MEGF10: variants seen among roughly 807,000 people sequenced by gnomAD.
The protein encoded by MEGF10 is multiple epidermal growth factor-like domains protein 10.
MEGF10 carries 86 observed loss-of-function variants against 147.5 expected under a neutral mutation model. The observed-to-expected ratio is 0.58, with a 90% confidence interval of 0.49 to 0.70. The LOEUF (loss-of-function observed/expected upper bound fraction) is 0.70. Among genes scored for constraint, MEGF10 ranks in the 30% least tolerant of loss-of-function variants. The probability of loss-of-function intolerance (pLI) is 0.00; values close to 1 mark genes in which losing one functional copy is unlikely to be tolerated. For synonymous variants in MEGF10, 478 were observed against 525.5 expected, an observed-to-expected ratio of 0.91 and a Z score of 1.24; for missense variants, 1,329 against 1,487.3, an observed-to-expected ratio of 0.89 and a Z score of 1.75.
At chr5:127,413,689 G>C (rs1580838171) in intron 9 of MEGF10, among the ~76,000 whole-genome samples, 2 of 152,328 alleles carry the variant, frequency 1.3e-5, no homozygotes, top group South Asian at 2.1e-4. Flanking sequence ...CCAAACTGCT[G>C]CTTCTACAAC....
chr5:127,333,878 G>C (rs1355698265), intron 2 of MEGF10, among the ~76,000 whole-genome samples: 1 of 152,140 alleles, frequency 6.6e-6, no homozygotes, highest in Non-Finnish European at 1.5e-5. Context: ...CAAGTGATTA[G>C]TGCAAACTCT....
intron 5 of MEGF10, among the ~76,000 whole-genome samples, chr5:127,389,935 G>A (rs1763581497): frequency 6.6e-6 from 1 of 152,178 alleles, no homozygotes; most frequent in Non-Finnish European, 1.5e-5. Context: ...GAAGAGATAT[G>A]TAAAGCATAA....
intron 23 of MEGF10, among the ~76,000 whole-genome samples, chr5:127,454,812 C>T (rs1199894275): frequency 1.3e-5 from 2 of 152,128 alleles, no homozygotes; most frequent in Non-Finnish European, 2.9e-5. Context: ...GAGCTTAAGT[C>T]TTTGGGGAAC....
intron 13 of MEGF10, among the ~76,000 whole-genome samples, chr5:127,428,855 C>T (rs1215818542): frequency 6.6e-6 from 1 of 152,178 alleles, no homozygotes; most frequent in Non-Finnish European, 1.5e-5. Flanking sequence ...TCACAAATGC[C>T]CAGTGAATGC....
intron 4 of MEGF10, among the ~76,000 whole-genome samples, chr5:127,355,419 C>T (rs944951934): frequency 6.6e-6 from 1 of 152,120 alleles, no homozygotes; most frequent in African/African-American, 2.4e-5. Flanking sequence ...TGACTGACAA[C>T]AATCAGATGG....
At chr5:127,428,349 C>T (rs1410519854) in intron 13 of MEGF10, among the ~76,000 whole-genome samples, 1 of 152,002 alleles carries the variant, frequency 6.6e-6, no homozygotes, top group Non-Finnish European at 1.5e-5. Flanking sequence ...AACCATAATG[C>T]TTGGGTGCTG....
At chr5:127,260,113 C>T in the MEGF10 span, among the ~76,000 whole-genome samples, 3 of 151,912 alleles carry the variant, frequency 2.0e-5, no homozygotes, top group African/African-American at 7.2e-5. Context: ...GCTGAGATCA[C>T]GCCACTGCAC....
intron 4 of MEGF10, among the ~76,000 whole-genome samples, chr5:127,354,659 A>T (rs115160054): frequency 6.6e-6 from 1 of 152,206 alleles, no homozygotes; most frequent in Admixed American, 6.5e-5. Context: ...ATAGCAACCG[A>T]GGCTCCTGAA....
chr5:127,319,653 T>C (rs962249728), intron 1 of MEGF10, among the ~76,000 whole-genome samples: 28 of 152,192 alleles, frequency 1.8e-4, no homozygotes, highest in African/African-American at 6.3e-4. Flanking sequence ...ATAGATTGAG[T>C]AGACATAATT....
intron 2 of MEGF10, among the ~76,000 whole-genome samples, chr5:127,336,026 C>T (rs1268002787): frequency 9.1e-6 from 1 of 110,348 alleles, no homozygotes; most frequent in African/African-American, 3.4e-5. Flanking sequence ...AGTTTCTGAC[C>T]GATGATAATT....
chr5:127,414,462 G>A (rs76616821), intron 9 of MEGF10, among the ~76,000 whole-genome samples: 2,806 of 152,094 alleles, frequency 0.018, 54 homozygotes, highest in South Asian at 0.078. Context: ...TGGTCTGTGC[G>A]TTCACTTACA....
chr5:127,315,424 T>A (rs1373868158), intron 1 of MEGF10, among the ~76,000 whole-genome samples: 2 of 152,190 alleles, frequency 1.3e-5, no homozygotes, highest in African/African-American at 4.8e-5. Context: ...AATCACAATG[T>A]GACCTTCATC....
chr5:127,278,315 T>C, the MEGF10 span, among the ~76,000 whole-genome samples: 1 of 151,850 alleles, frequency 6.6e-6, no homozygotes, highest in Non-Finnish European at 1.5e-5. Context: ...TTGGATCTCA[T>C]TTGATTACCT....
chr5:127,242,274 C>G, the MEGF10 span, among the ~76,000 whole-genome samples: 1 of 152,128 alleles, frequency 6.6e-6, no homozygotes, highest in Non-Finnish European at 1.5e-5. Flanking sequence ...AGCACCAGTA[C>G]TAGAAGAACC....
chr5:127,321,963 A>G (rs1467798374), intron 1 of MEGF10, among the ~76,000 whole-genome samples: 1 of 151,658 alleles, frequency 6.6e-6, no homozygotes, highest in Non-Finnish European at 1.5e-5. Flanking sequence ...TCTCAAGGAA[A>G]TTGCCTTCTT....
chr5:127,362,613 C>T (rs1486522296), intron 4 of MEGF10, among the ~76,000 whole-genome samples: 1 of 152,124 alleles, frequency 6.6e-6, no homozygotes. Flanking sequence ...ATCCGCCCGC[C>T]TCAGCCTCCC....
chr5:127,347,874 A>C (rs1312961049), intron 4 of MEGF10, among the ~76,000 whole-genome samples: 3 of 152,044 alleles, frequency 2.0e-5, no homozygotes, highest in Non-Finnish European at 2.9e-5. Flanking sequence ...CTCACTTCTT[A>C]ATCTGTAAGA....
rs1766479007 is a variant in MEGF10, at chr5:127,459,288, G to GTGGC, written c.*1973_*1976dup. 2 of 152,176 alleles carry GTGGC rather than the reference G, an allele frequency of 1.3e-5. No homozygotes were observed. The highest frequency in any genetic ancestry group is 6.5e-5 in the Admixed American group (1 of 15,280). The allele number at this position is 152,176 out of a possible 1,614,324, so 9.4% of individuals were successfully genotyped here. On this transcript the variant is annotated 3_prime_UTR_variant, in exon 25 of 25. Transcript: ENST00000503335. ...CACACTTAGAACACTCACTGCACTGGTGGCTGTTCATTTTGAGGAACTCCA... is the reference window on the plus strand; with the variant it reads ...CACACTTAGAACACTCACTGCACTGGTGGCTGGCTGTTCATTTTGAGGAACTCCA...
intron 4 of MEGF10, among the ~76,000 whole-genome samples, chr5:127,357,261 A>G (rs1284410818): frequency 3.9e-5 from 6 of 152,174 alleles, no homozygotes; most frequent in East Asian, 1.9e-4. Context: ...CTCTCCCCCA[A>G]ATTTTGAACT....
Sources: allele counts gnomAD v4.1 joint callset (sites outside exome capture counted in the v4.1 genomes callset), GRCh38; gene constraint gnomAD v4.1.1; transcripts MANE v1.5; gene names NCBI Gene and HGNC (gene_info 2026-07-23, HGNC 2026-07-21).